DSCAML1: variants seen among roughly 807,000 people sequenced by gnomAD.
DSCAML1 encodes DS cell adhesion molecule like 1, also known as cell adhesion molecule DSCAML1.
DSCAML1 carries 38 observed loss-of-function variants against 200.5 expected under a neutral mutation model. The ratio of observed to expected loss-of-function variants is 0.19; its 90% CI spans 0.15 to 0.25. DSCAML1 has a LOEUF of 0.25. DSCAML1 is among the 10% of genes least tolerant of loss of function. DSCAML1 has a pLI of 1.00. For missense variants in DSCAML1, 2,223 were observed against 2,858.8 expected (o/e 0.78, Z 5.07); for synonymous variants, 1,215 against 1,165.0 (o/e 1.04, Z -0.87).
chr11:117,526,453 C>G (rs1400707548), intron 4 of DSCAML1, among the ~76,000 whole-genome samples: 1 of 152,214 alleles, frequency 6.6e-6, no homozygotes, highest in East Asian at 1.9e-4. Context: ...CCAGGCCACT[C>G]TCAATGACTC....
rs556274025 is a variant in DSCAML1 at position 117,542,796 on chromosome 11, T to C, written c.512-10274A>G. ...TCTTCCTTTACAGATGAGGAAATTA[T>C]GGCTTGGGCTAAGAGACTTGTTCAA... On this transcript the variant is annotated intron_variant, in intron 3 of 32. Transcript: ENST00000651296. Among the ~76,000 whole-genome samples, 390 of 152,338 alleles carry C rather than the reference T, an allele frequency of 2.6e-3. 2 individuals are homozygous for C. Among genetic ancestry groups the C allele is most frequent in the African/African-American group, 7.5e-3 (311 of 41,576 alleles).
rs370809417 is a variant in DSCAML1 at position 117,480,570 on chromosome 11, C to T, written c.2658G>A (p.Glu886=). 9.0e-6 allele frequency: 14 copies of T among 1,557,674 alleles called. No individual in the cohort carries two copies. The African/African-American group carries it at 1.4e-4, about 15-fold the overall frequency. The part of the protein sequence containing the change: ...DRGLIQLTVQ[E]PPDPPELEIR... The stretch of plus-strand genomic sequence containing the variant: ...TCTCCAGCTCTGGGGGGTCGGGGGG[C>T]TCTAGGGTGCGGCAGTGGAGGGGAG... The change falls in exon 14 of 33, where the codon GAG becomes GAA. Residue 886 remains glutamate, a splice_region_variant and synonymous_variant. Transcript: ENST00000651296. This position sits in a 1 kb window ranked among gnomAD's most constrained non-coding sequence, Gnocchi z 4.1.
intron 3 of DSCAML1, among the ~76,000 whole-genome samples, chr11:117,605,230 G>T (rs1262659745): frequency 6.6e-6 from 1 of 151,934 alleles, no homozygotes; most frequent in Non-Finnish European, 1.5e-5. Context: ...TCTTCTCCTT[G>T]ATTCTCCCCA....
rs148882662 is a variant in DSCAML1, at chr11:117,521,160, C to A, written c.1183G>T (p.Ala395Ser). Reference protein sequence around the residue: ...QCFATRKAQTAQDFAIIALED... With the variant: ...QCFATRKAQTSQDFAIIALED... ...AGTGCAATGATGGCAAAGTCCTGGG[C>A]GGTCTGGGCCTTGCGGGTAGCGAAG... Residue 395 changes from alanine (A) to serine (S), a missense_variant, in exon 6 of 33, where the codon GCC (alanine) becomes TCC (serine). Ala to Ser is a moderately conservative substitution (Grantham distance 99, BLOSUM62 1). This residue lies in a region of DSCAML1 where 579 missense variants were observed against 721.5 expected (regional missense o/e 0.80). Coordinates refer to ENST00000651296, the MANE Select transcript of DSCAML1 (RefSeq NM_020693.4). 1.2e-5 allele frequency: 19 copies of A among 1,614,070 alleles called. No homozygotes were observed. In the African/African-American group the frequency reaches 1.5e-4, roughly 12 times the overall value.
At chr11:117,446,172 T>C (rs962026633) in intron 20 of DSCAML1, among the ~76,000 whole-genome samples, 1 of 152,210 alleles carries the variant, frequency 6.6e-6, no homozygotes, top group African/African-American at 2.4e-5. Context: ...GAGACCAGCC[T>C]GACTAACATG....
chr11:117,722,520 G>C (rs2054057947), intron 3 of DSCAML1, among the ~76,000 whole-genome samples: 1 of 152,170 alleles, frequency 6.6e-6, no homozygotes, highest in African/African-American at 2.4e-5. Flanking sequence ...GAAGCTAGAA[G>C]AGAGGATTCT....
Position 117,428,748 on chromosome 11 carries a change from T to G in DSCAML1, c.5742A>C (p.Ala1914=), listed in dbSNP as rs754325214. 1 of 1,612,696 alleles carries G rather than the reference T, an allele frequency of 6.2e-7. No homozygotes were observed. Among genetic ancestry groups the G allele is most frequent in the East Asian group, 2.2e-5 (1 of 44,874 alleles). The change falls in exon 33 of 33, where the codon GCA becomes GCC. Residue 1914 remains alanine (A), a synonymous_variant. Coordinates refer to ENST00000651296, the MANE Select transcript of DSCAML1 (RefSeq NM_020693.4). The part of the protein sequence containing the change: ...YAKSEAFFRK[A]DGREPCPVVP... ...CCACGGGGCAGGGCTCACGTCCATC[T>G]GCCTTTCGAAAGAAGGCCTCTGACT...
rs183657278 is a variant in DSCAML1 at position 117,793,606 on chromosome 11, G to A, written c.46+3428C>T. Reference sequence around the variant, plus strand: ...TGGACAGACCTTGACCCTGTGTCTGGGGGCTCCTAGCCAGCCTGTTTGGGG... The same window carrying A: ...TGGACAGACCTTGACCCTGTGTCTGAGGGCTCCTAGCCAGCCTGTTTGGGG... On this transcript the variant is annotated intron_variant, in intron 1 of 32. Transcript: ENST00000651296. Among the ~76,000 whole-genome samples, 137 of 152,194 alleles carry A rather than the reference G, an allele frequency of 9.0e-4. 1 individual carries two copies. The highest frequency in any genetic ancestry group is 2.3e-3 in the South Asian group (11 of 4,816).
intron 3 of DSCAML1, among the ~76,000 whole-genome samples, chr11:117,723,123 G>A (rs528142128): frequency 3.8e-4 from 58 of 152,300 alleles, no homozygotes; most frequent in African/African-American, 1.3e-3. Flanking sequence ...TAAGAAAAGT[G>A]CCAAGCATGT....
intron 11 of DSCAML1, among the ~76,000 whole-genome samples, chr11:117,501,461 A>G (rs1055610667): frequency 7.2e-5 from 11 of 152,218 alleles, no homozygotes; most frequent in African/African-American, 2.6e-4. Context: ...CCCCAGACAG[A>G]GGCCCTGCCC....
At chr11:117,646,256 G>C (rs2137606981) in intron 3 of DSCAML1, among the ~76,000 whole-genome samples, 1 of 152,178 alleles carries the variant, frequency 6.6e-6, no homozygotes, top group African/African-American at 2.4e-5. Context: ...TGGGAAGGGA[G>C]GGAGGTGGCT....
intron 3 of DSCAML1, among the ~76,000 whole-genome samples, chr11:117,614,063 AAG>A (rs1936810429): frequency 1.3e-5 from 2 of 152,126 alleles, no homozygotes; most frequent in Admixed American, 1.3e-4. Flanking sequence ...GGTGGGAGGA[AAG>A]GGGCTACAGG....
At chr11:117,676,059 C>A (rs993715509) in intron 3 of DSCAML1, among the ~76,000 whole-genome samples, 1 of 151,986 alleles carries the variant, frequency 6.6e-6, no homozygotes, top group African/African-American at 2.4e-5. Flanking sequence ...CCACCAGATT[C>A]TCTCATAAAA....
intron 3 of DSCAML1, among the ~76,000 whole-genome samples, chr11:117,735,431 A>G (rs1199657784): frequency 6.6e-6 from 1 of 152,198 alleles, no homozygotes; most frequent in Non-Finnish European, 1.5e-5. Flanking sequence ...GCTCAAGGTC[A>G]CACAGGTTAA....
At chr11:117,779,516 G>A (rs980656165) in intron 2 of DSCAML1, among the ~76,000 whole-genome samples, 2 of 152,054 alleles carry the variant, frequency 1.3e-5, no homozygotes, top group African/African-American at 4.8e-5. Flanking sequence ...CATGAGATAT[G>A]TCATCCTCAG....
chr11:117,547,288 G>A (rs921732858), intron 3 of DSCAML1, among the ~76,000 whole-genome samples: 1 of 152,178 alleles, frequency 6.6e-6, no homozygotes, highest in Non-Finnish European at 1.5e-5. Flanking sequence ...GATGCTCACG[G>A]TATAATAGAA....
chr11:117,495,077 T>C (rs2049264716), intron 11 of DSCAML1, among the ~76,000 whole-genome samples: 1 of 152,140 alleles, frequency 6.6e-6, no homozygotes, highest in South Asian at 2.1e-4. Flanking sequence ...GATAAGACCT[T>C]CTCAGTGCAG....
At chr11:117,610,478 A>G (rs1432463038) in intron 3 of DSCAML1, among the ~76,000 whole-genome samples, 2 of 152,018 alleles carry the variant, frequency 1.3e-5, no homozygotes, top group Non-Finnish European at 2.9e-5. Context: ...AATGGAATCT[A>G]GTTAGTCTCC....
At chr11:117,687,962 G>A (rs546421348) in intron 3 of DSCAML1, among the ~76,000 whole-genome samples, 3 of 152,152 alleles carry the variant, frequency 2.0e-5, no homozygotes, top group Non-Finnish European at 4.4e-5. Context: ...GGAGTCCTGC[G>A]AGGAACCCAG....
Sources: gnomAD v4.1 joint callset for allele counts (sites outside exome capture counted in the v4.1 genomes callset) on GRCh38, gnomAD v4.1.1 for gene constraint, gnomAD v4.1.1 regional missense constraint, Gnocchi (gnomAD v3.1) non-coding constraint, MANE v1.5 for transcripts, NCBI Gene and HGNC (gene_info 2026-07-23, HGNC 2026-07-21) for gene names.